SORCS2: variants seen among roughly 807,000 people sequenced by gnomAD.
SORCS2 encodes sortilin related VPS10 domain containing receptor 2, also known as VPS10 domain-containing receptor SorCS2.
SORCS2 carries 100 observed loss-of-function variants against 141.6 expected under a neutral mutation model. The observed-to-expected ratio is 0.71, with a 90% CI of 0.60 to 0.83. The LOEUF (loss-of-function observed/expected upper bound fraction) is 0.83, where lower values mean the gene tolerates loss of function less well. Among genes scored for constraint, SORCS2 ranks in the 40% least tolerant of loss-of-function variants. The pLI is 0.00. For missense variants in SORCS2, 1,646 were observed against 1,560.2 expected, an observed-to-expected ratio of 1.05 and a Z score of -0.93; for synonymous variants, 789 against 676.9, an observed-to-expected ratio of 1.17 and a Z score of -2.57.
intron 10 of SORCS2, among the ~76,000 whole-genome samples, chr4:7,687,653 C>A (rs137949480): frequency 2.6e-5 from 4 of 152,246 alleles, no homozygotes; most frequent in African/African-American, 7.2e-5. Flanking sequence ...GGATGTGCGT[C>A]TGCAATGGAC....
chr4:7,360,049 A>G (rs1042941338), intron 1 of SORCS2, among the ~76,000 whole-genome samples: 8 of 152,230 alleles, frequency 5.3e-5, no homozygotes, highest in African/African-American at 1.9e-4. Flanking sequence ...TACATGCATT[A>G]TTTTAATGAA....
intron 3 of SORCS2, among the ~76,000 whole-genome samples, chr4:7,534,319 C>T (rs76875593): frequency 0.022 from 3,218 of 143,118 alleles, 104 homozygotes; most frequent in African/African-American, 0.078. Flanking sequence ...CTCAGTCCAG[C>T]TCTGCCAGGT....
intron 1 of SORCS2, among the ~76,000 whole-genome samples, chr4:7,345,317 T>C (rs556522009): frequency 1.3e-5 from 2 of 152,242 alleles, no homozygotes; most frequent in African/African-American, 4.8e-5. Flanking sequence ...AAAGTGCACA[T>C]TGGGTGTGAC....
intron 1 of SORCS2, among the ~76,000 whole-genome samples, chr4:7,320,027 G>T (rs930925411): frequency 6.6e-6 from 1 of 152,176 alleles, no homozygotes; most frequent in Non-Finnish European, 1.5e-5. Context: ...GAAGGGCCAG[G>T]CATGGTGGCC....
intron 3 of SORCS2, among the ~76,000 whole-genome samples, chr4:7,534,171 G>A (rs1011432744): frequency 6.6e-6 from 1 of 152,240 alleles, no homozygotes; most frequent in Non-Finnish European, 1.5e-5. Context: ...TGGGATGAAT[G>A]AATGAGTGAA....
chr4:7,687,347 C>G (rs1022272993), intron 10 of SORCS2, among the ~76,000 whole-genome samples: 3 of 152,170 alleles, frequency 2.0e-5, no homozygotes, highest in Non-Finnish European at 2.9e-5. Context: ...CCTGAGCTAT[C>G]TGGGGTGGGG....
chr4:7,501,395 C>T (rs1731968223), intron 2 of SORCS2, among the ~76,000 whole-genome samples: 1 of 152,190 alleles, frequency 6.6e-6, no homozygotes, highest in Admixed American at 6.5e-5. Flanking sequence ...TGTGCTGATC[C>T]AGTCCCCTTT....
chr4:7,430,127 G>A (rs773676934), intron 2 of SORCS2, among the ~76,000 whole-genome samples: 7 of 152,102 alleles, frequency 4.6e-5, no homozygotes, highest in Non-Finnish European at 1.0e-4. Flanking sequence ...GGGAGGGAGC[G>A]TGGACAGCAT....
chr4:7,393,900 G>C (rs965860998), intron 1 of SORCS2, among the ~76,000 whole-genome samples: 4 of 152,146 alleles, frequency 2.6e-5, no homozygotes, highest in Non-Finnish European at 5.9e-5. Context: ...AACCCGGGTG[G>C]TCTGACCTCA....
chr4:7,576,286 T>G (rs1004709621), intron 3 of SORCS2, among the ~76,000 whole-genome samples: 2 of 152,194 alleles, frequency 1.3e-5, no homozygotes, highest in African/African-American at 2.4e-5. Context: ...AAGTCAAAAG[T>G]CAGTAGGGAT....
At chr4:7,706,090 G>A (rs1219854536) in intron 14 of SORCS2, among the ~76,000 whole-genome samples, 1 of 143,268 alleles carries the variant, frequency 7.0e-6, no homozygotes, top group African/African-American at 2.6e-5. Context: ...TGCCTGGACA[G>A]AGATGAGGCT....
At chr4:7,724,422 G>T (rs1726902236) in intron 19 of SORCS2, among the ~76,000 whole-genome samples, 1 of 147,562 alleles carries the variant, frequency 6.8e-6, no homozygotes, top group African/African-American at 2.6e-5. Flanking sequence ...GGGAATGGAT[G>T]GTGGTGGTGA....
intron 1 of SORCS2, among the ~76,000 whole-genome samples, chr4:7,231,249 G>T (rs145970913): frequency 2.6e-4 from 40 of 152,334 alleles, no homozygotes; most frequent in African/African-American, 8.9e-4. Context: ...CTTTTAATTG[G>T]GGGGAGGGTC....
chr4:7,712,680 A>G, intron 14 of SORCS2, 53 bp from the exon 15 acceptor site: 3 of 1,611,182 alleles, frequency 1.9e-6, no homozygotes, highest in Non-Finnish European at 2.5e-6. Context: ...GCACAGTAGG[A>G]CAAGGCCTAA....
chr4:7,318,393 A>G (rs981796594), intron 1 of SORCS2, among the ~76,000 whole-genome samples: 7 of 152,132 alleles, frequency 4.6e-5, no homozygotes, highest in Middle Eastern at 3.2e-3. Flanking sequence ...GATACTTGAT[A>G]GGGAACCCCA....
chr4:7,271,609 A>G (rs1295754651), intron 1 of SORCS2, among the ~76,000 whole-genome samples: 1 of 152,190 alleles, frequency 6.6e-6, no homozygotes, highest in Non-Finnish European at 1.5e-5. Context: ...CTAAAATGCC[A>G]TCGACTTCAT....
intron 2 of SORCS2, among the ~76,000 whole-genome samples, chr4:7,427,288 T>TA (rs1367734675): frequency 6.6e-6 from 1 of 152,196 alleles, no homozygotes; most frequent in Non-Finnish European, 1.5e-5. Context: ...TGGCTGTTTT[T>TA]ATCCCATCCC....
intron 3 of SORCS2, among the ~76,000 whole-genome samples, chr4:7,579,089 T>C (rs1363112352): frequency 6.6e-6 from 1 of 152,124 alleles, no homozygotes; most frequent in Non-Finnish European, 1.5e-5. Flanking sequence ...GTCCTCTCTC[T>C]AGCTACCCCC....
At chr4:7,321,207 T>G (rs867443381) in intron 1 of SORCS2, among the ~76,000 whole-genome samples, 41 of 152,216 alleles carry the variant, frequency 2.7e-4, no homozygotes, top group African/African-American at 9.6e-4. Context: ...TGGTTTTCTG[T>G]TCCTAAGTTA....
Sources: gnomAD v4.1 joint callset for allele counts (sites outside exome capture counted in the v4.1 genomes callset) on GRCh38, gnomAD v4.1.1 for gene constraint, MANE v1.5 for transcripts, NCBI Gene and HGNC (gene_info 2026-07-23, HGNC 2026-07-21) for gene names.